Variants in COPG2 observed in about 807,000 individuals in gnomAD.
The protein encoded by COPG2 is coat protein complex I subunit gamma 2.
A neutral mutation model predicts 46.3 loss-of-function variants in COPG2; 37 were observed. That is an observed-to-expected ratio of 0.80 (90% CI 0.61 to 1.05). COPG2 has a LOEUF of 1.05. Ranked by LOEUF, COPG2 falls within the 50% of genes least tolerant of loss-of-function variation. The probability of loss-of-function intolerance (pLI) is 0.00; values close to 1 mark genes in which losing one functional copy is unlikely to be tolerated. For missense variants in COPG2, 427 were observed against 387.8 expected (o/e 1.10, Z -0.85); for synonymous variants, 159 against 129.7 (o/e 1.23, Z -1.53).
At position 130,646,954 on chromosome 7, in the gene COPG2, T is replaced by C. The variant is rs1157825041; in HGVS notation, c.323+5915A>G. On this transcript the variant is annotated intron_variant, in intron 5 of 23. Transcript: ENST00000425248. ...GTATATATATATACGTATATATATA[T>C]ATGCATATATATATGTGTATATATA... Among the ~76,000 whole-genome samples, 9 of 130,960 alleles carry C rather than the reference T, an allele frequency of 6.9e-5. 1 individual carries two copies. Among genetic ancestry groups the C allele is most frequent in the Admixed American group, 1.5e-4 (2 of 13,124 alleles). The allele number at this position is 130,960 out of a possible 152,430, so 85.9% of individuals were successfully genotyped here.
intron 3 of COPG2, 106 bp downstream of exon 3, chr7:130,666,743 A>T: frequency 1.6e-6 from 1 of 633,574 alleles, no homozygotes; most frequent in Non-Finnish European, 2.7e-6. Flanking sequence ...TGTTAAAATT[A>T]AGTGAATTTA....
intron 9 of COPG2, among the ~76,000 whole-genome samples, chr7:130,577,208 A>C (rs1554446342): frequency 6.6e-6 from 1 of 152,244 alleles, no homozygotes; most frequent in Non-Finnish European, 1.5e-5. Flanking sequence ...TACAGCTCCC[A>C]GTGTGAGCGA....
chr7:130,530,175 G>A (rs944429232), intron 20 of COPG2, among the ~76,000 whole-genome samples: 12 of 152,302 alleles, frequency 7.9e-5, no homozygotes, highest in Non-Finnish European at 5.9e-5. Flanking sequence ...AAACATGGGT[G>A]TAGTGAGGGT....
intron 5 of COPG2, among the ~76,000 whole-genome samples, chr7:130,640,524 T>C (rs1386334367): frequency 2.0e-5 from 3 of 152,148 alleles, no homozygotes; most frequent in Non-Finnish European, 4.4e-5. Context: ...AGAAGTCTCC[T>C]GGCTTTCCCT....
rs782424424 is a variant in COPG2, at chr7:130,599,050, T to C, written c.737+11903A>G. Among the ~76,000 whole-genome samples, 33 of 152,196 alleles carry C rather than the reference T, an allele frequency of 2.2e-4. 1 individual carries two copies. Among genetic ancestry groups the C allele is most frequent in the Non-Finnish European group, 1.5e-5 (1 of 68,040 alleles). ...TTCTGATGACCCACCCTTGGGACCC[T>C]TAGAGCAGGCAGCCAGAGGTTTCCA... On this transcript the variant is annotated intron_variant, in intron 9 of 23. Transcript: ENST00000425248.
intron 20 of COPG2, among the ~76,000 whole-genome samples, chr7:130,526,029 C>T (rs1255239796): frequency 2.6e-5 from 4 of 151,624 alleles, no homozygotes; most frequent in African/African-American, 7.3e-5. Context: ...TCACTGGGGC[C>T]GCACCTGAGG....
chr7:130,513,308 A>AATATATATATATATATATAT (rs1197540092), intron 20 of COPG2, among the ~76,000 whole-genome samples: 4 of 55,664 alleles, frequency 7.2e-5, no homozygotes, highest in Non-Finnish European at 8.8e-5. Context: ...AAAAAAAAAA[A>AATATATATATATATATATAT]ATATATATAT....
rs1221165104 is a variant in COPG2 at position 130,545,170 on chromosome 7, T to TATTTCATTTCATTTC, written c.2149+2489_2149+2503dup. On this transcript the variant is annotated intron_variant, in intron 20 of 23. Transcript: ENST00000425248. The stretch of plus-strand genomic sequence containing the variant: ...GCACCATGTGAAGCAACTTACCTAT[T>TATTTCATTTCATTTC]ATTTCATTTCATTTCATTTCATTTC... Among the ~76,000 whole-genome samples, 727 of 150,024 alleles carry TATTTCATTTCATTTC rather than the reference T, an allele frequency of 4.8e-3. 3 individuals carry two copies. The highest frequency in any genetic ancestry group is 9.7e-3 in the African/African-American group (398 of 40,854).
intron 5 of COPG2, among the ~76,000 whole-genome samples, chr7:130,626,578 C>G (rs1010876788): frequency 6.6e-6 from 1 of 151,896 alleles, no homozygotes; most frequent in Non-Finnish European, 1.5e-5. Flanking sequence ...TAAGAGAGAG[C>G]GCTCCTGAAC....
intron 20 of COPG2, among the ~76,000 whole-genome samples, chr7:130,546,298 G>C (rs1206151244): frequency 6.6e-6 from 1 of 152,124 alleles, no homozygotes; most frequent in East Asian, 1.9e-4. Context: ...AATAAAACTA[G>C]CTTTACTTAA....
At chr7:130,666,249 A>G (rs1181189012) in intron 3 of COPG2, among the ~76,000 whole-genome samples, 1 of 152,214 alleles carries the variant, frequency 6.6e-6, no homozygotes, top group Non-Finnish European at 1.5e-5. Flanking sequence ...ACATCATTAC[A>G]CACATAAAAA....
At position 130,550,551 on chromosome 7, in the gene COPG2, T is replaced by C. The variant is rs914042254; in HGVS notation, c.1747A>G (p.Met583Val). The change falls in exon 17 of 24, where the codon ATG (methionine) becomes GTG (valine). Residue 583 changes from methionine to valine, a missense_variant. Met to Val is a conservative substitution (Grantham distance 21). Coordinates refer to ENST00000425248, the MANE Select transcript of COPG2 (RefSeq NM_012133.6). ...GCTTTCTGTTCAAAGACAGGAGCCATAGCAAGAGGAATTGATTTCATGTCA... is the reference window on the plus strand; with the variant it reads ...GCTTTCTGTTCAAAGACAGGAGCCACAGCAAGAGGAATTGATTTCATGTCA... Reference protein sequence around the residue: ...PFDMKSIPLAMAPVFEQKAEI... With the variant: ...PFDMKSIPLAVAPVFEQKAEI... 1 of 397,030 alleles carries C rather than the reference T, an allele frequency of 2.5e-6. No homozygotes were observed. 24.6% of individuals were successfully genotyped at this position (397,030 alleles called of 1,614,324 possible). A position where few individuals can be genotyped will look rare whatever the true frequency, so the allele number is the denominator to read the frequency against.
At chr7:130,630,742 A>C (rs1291749486) in intron 5 of COPG2, among the ~76,000 whole-genome samples, 1 of 152,212 alleles carries the variant, frequency 6.6e-6, no homozygotes. Context: ...TGGAGTCTAC[A>C]TTATCTGAAG....
At chr7:130,583,991 C>T (rs1317788592) in intron 9 of COPG2, among the ~76,000 whole-genome samples, 1 of 151,598 alleles carries the variant, frequency 6.6e-6, no homozygotes, top group Non-Finnish European at 1.5e-5. Context: ...ATACCAAAAC[C>T]ATGAAAGGAC....
At chr7:130,628,362 CTTCT>C (rs1554454617) in intron 5 of COPG2, among the ~76,000 whole-genome samples, 1 of 151,638 alleles carries the variant, frequency 6.6e-6, no homozygotes, top group African/African-American at 2.4e-5. Flanking sequence ...ATTGTTTATA[CTTCT>C]TTAAATTTTT....
chr7:130,594,669 G>A (rs959070414), intron 9 of COPG2, among the ~76,000 whole-genome samples: 4 of 152,086 alleles, frequency 2.6e-5, no homozygotes, highest in African/African-American at 9.7e-5. Context: ...AACAATAAAA[G>A]ACAACCTAAT....
At chr7:130,549,147 G>C (rs1793494357) in intron 18 of COPG2, among the ~76,000 whole-genome samples, 167 bp downstream of exon 18, 2 of 151,860 alleles carry the variant, frequency 1.3e-5, no homozygotes, top group South Asian at 4.2e-4. Flanking sequence ...TTACAAACTG[G>C]AAAGTTCATG....
intron 20 of COPG2, among the ~76,000 whole-genome samples, chr7:130,539,224 G>C (rs1293458730): frequency 3.2e-4 from 48 of 152,124 alleles, no homozygotes; most frequent in Admixed American, 3.1e-3. Flanking sequence ...GGGGTGCATG[G>C]GCTCACTGGG....
chr7:130,603,968 A>G, intron 9 of COPG2: 1 of 428,152 alleles, frequency 2.3e-6, no homozygotes, highest in Non-Finnish European at 4.6e-6. Context: ...TATTCTTACA[A>G]TAAAGTAAGC....
Sources: allele counts gnomAD v4.1 joint callset (sites outside exome capture counted in the v4.1 genomes callset), GRCh38; gene constraint gnomAD v4.1.1; transcripts MANE v1.5; gene names NCBI Gene and HGNC (gene_info 2026-07-23, HGNC 2026-07-21).